Variants in ATP6V1C2 observed in about 807,000 individuals in gnomAD.
ATP6V1C2 encodes the protein ATPase H+ transporting V1 subunit C2.
In ATP6V1C2, 45 loss-of-function variants were observed where a neutral mutation model predicts 56.8. That is an observed-to-expected ratio of 0.79 (90% CI 0.62 to 1.02). The LOEUF is 1.02. ATP6V1C2 is among the 50% of genes least tolerant of loss of function. The pLI is 0.00. For synonymous variants in ATP6V1C2, 220 were observed against 201.3 expected (o/e 1.09, Z -0.79); for missense variants, 463 against 519.7 (o/e 0.89, Z 1.06).
chr2:10,785,031 CT>C lies in ATP6V1C2; in HGVS notation c.*1770del. The stretch of plus-strand genomic sequence containing the variant: ...GGAGCCACGCCCAAAAGAGAGCTCC[CT>C]TAGGGAAAAATGACCAAAACACACA... On this transcript the variant is annotated 3_prime_UTR_variant, in exon 14 of 14. Coordinates refer to ENST00000272238, the MANE Select transcript of ATP6V1C2 (RefSeq NM_001039362.2). 1 of 1,568,658 alleles carries C rather than the reference CT, an allele frequency of 6.4e-7. No homozygotes were observed. The highest frequency in any genetic ancestry group is 8.7e-7 in the Non-Finnish European group (1 of 1,154,686).
At chr2:10,737,392 C>T (rs1403307228) in intron 3 of ATP6V1C2, among the ~76,000 whole-genome samples, 5 of 148,784 alleles carry the variant, frequency 3.4e-5, no homozygotes, top group African/African-American at 1.2e-4. Flanking sequence ...CACTGTACTC[C>T]AGCCTGGGCG....
At chr2:10,742,445 T>C (rs750356730) in intron 3 of ATP6V1C2, among the ~76,000 whole-genome samples, 2 of 152,092 alleles carry the variant, frequency 1.3e-5, no homozygotes, top group African/African-American at 4.8e-5. Context: ...CTGGAGACAC[T>C]GTGTCTTAAG....
chr2:10,764,492 GC>G, intron 5 of ATP6V1C2, 67 bp downstream of exon 5: 10 of 1,374,232 alleles, frequency 7.3e-6, no homozygotes, highest in East Asian at 2.3e-5. Context: ...CCTGGGTAGG[GC>G]CCCCCTGCCA....
intron 3 of ATP6V1C2, among the ~76,000 whole-genome samples, chr2:10,750,547 A>G (rs1457625860): frequency 3.3e-5 from 5 of 151,304 alleles, no homozygotes; most frequent in Admixed American, 6.6e-5. Context: ...AAAACAAAAC[A>G]AAACCTTCAC....
chr2:10,741,273 T>G (rs1434648184), intron 3 of ATP6V1C2, among the ~76,000 whole-genome samples: 3 of 152,252 alleles, frequency 2.0e-5, no homozygotes, highest in Admixed American at 6.5e-5. Flanking sequence ...GACCTTTGTT[T>G]TTGTGAAAAG....
chr2:10,766,975 T>C (rs561368295), intron 5 of ATP6V1C2, among the ~76,000 whole-genome samples: 1 of 152,058 alleles, frequency 6.6e-6, no homozygotes, highest in Non-Finnish European at 1.5e-5. Context: ...AGGATCTCTG[T>C]GTACTATTTT....
chr2:10,760,195 A>T (rs1474373927), intron 4 of ATP6V1C2, among the ~76,000 whole-genome samples: 1 of 152,002 alleles, frequency 6.6e-6, no homozygotes, highest in East Asian at 1.9e-4. Flanking sequence ...CAACATGGTG[A>T]AACCTCGCCT....
chr2:10,734,869 C>T (rs1662168176), intron 3 of ATP6V1C2, among the ~76,000 whole-genome samples: 1 of 152,116 alleles, frequency 6.6e-6, no homozygotes, highest in Non-Finnish European at 1.5e-5. Flanking sequence ...TAAATCTAGA[C>T]ATTTAAAATG....
rs1558434575 is a variant in ATP6V1C2, at chr2:10,784,142, T to A, written c.*879T>A. The stretch of plus-strand genomic sequence containing the variant: ...TTCAAATGACCAATCAAGTACTACT[T>A]CTTGGTTAAAAGGCCACTGGTAGAG... On this transcript the variant is annotated 3_prime_UTR_variant, in exon 14 of 14. Transcript: ENST00000272238. 3 of 627,530 alleles carry A rather than the reference T, an allele frequency of 4.8e-6. No individual in the cohort carries two copies. Among genetic ancestry groups the A allele is most frequent in the East Asian group, 2.8e-5 (1 of 35,646 alleles). The allele number at this position is 627,530 out of a possible 1,614,324, so 38.9% of individuals were successfully genotyped here.
Position 10,780,831 on chromosome 2 carries a change from C to T in ATP6V1C2, c.1062-1412C>T, listed in dbSNP as rs1434215503. Among the ~76,000 whole-genome samples the T allele has an allele frequency of 6.6e-6, 1 of 152,008 alleles. No homozygotes were observed. The highest frequency in any genetic ancestry group is 2.4e-5 in the African/African-American group (1 of 41,376). On this transcript the variant is annotated intron_variant, in intron 12 of 13. Coordinates refer to ENST00000272238, the MANE Select transcript of ATP6V1C2 (RefSeq NM_001039362.2). This position sits in a 1 kb window ranked among gnomAD's most constrained non-coding sequence, Gnocchi z 4.1. ...CAATCTCAGCTCACTGCGACCTCCA[C>T]CTCCCAGGTTCAAGCAATTCTCCTG... is the stretch of plus-strand genomic sequence containing the variant.
intron 12 of ATP6V1C2, among the ~76,000 whole-genome samples, 158 bp downstream of exon 12, chr2:10,778,827 C>T (rs966593136): frequency 6.6e-6 from 1 of 152,234 alleles, no homozygotes; most frequent in African/African-American, 2.4e-5. Flanking sequence ...GAGTCAAGTA[C>T]ACCCTCCCCT....
intron 2 of ATP6V1C2, among the ~76,000 whole-genome samples, chr2:10,725,238 A>G (rs1163240388): frequency 6.6e-6 from 1 of 151,388 alleles, no homozygotes; most frequent in Non-Finnish European, 1.5e-5. Context: ...ACATGACCAA[A>G]CCCCATCTCT....
rs566847279 is a variant in ATP6V1C2, at chr2:10,763,078, C to T, written c.284-1253C>T. On this transcript the variant is annotated intron_variant, in intron 4 of 13. Coordinates refer to ENST00000272238, the MANE Select transcript of ATP6V1C2 (RefSeq NM_001039362.2). This position sits in a 1 kb window ranked among gnomAD's most constrained non-coding sequence, Gnocchi z 4.2. ...ATTCCCGTGCTAGGGGCTGAGTGGG[C>T]GGGATCTAGTGTTGTTTTGGCACGT... is the stretch of plus-strand genomic sequence containing the variant. Among the ~76,000 whole-genome samples, 5 of 152,204 alleles carry T rather than the reference C, an allele frequency of 3.3e-5. No individual in the cohort carries two copies. Among genetic ancestry groups the T allele is most frequent in the East Asian group, 1.9e-4 (1 of 5,162 alleles).
rs999112197 is a variant in ATP6V1C2, at chr2:10,780,397, C to G, written c.1061+1728C>G. ...CTGTTCTTGGCCTCCAATTCCCCTT[C>G]CATGTGGCTGTCAGTGTGTGGTCTG... On this transcript the variant is annotated intron_variant, in intron 12 of 13. Transcript: ENST00000272238. This position sits in a 1 kb window ranked among gnomAD's most constrained non-coding sequence, Gnocchi z 4.1. Among the ~76,000 whole-genome samples the G allele has an allele frequency of 6.6e-6, 1 of 152,254 alleles. No individual in the cohort carries two copies. Among genetic ancestry groups the G allele is most frequent in the Non-Finnish European group, 1.5e-5 (1 of 68,046 alleles).
chr2:10,774,888 TC>T lies in ATP6V1C2; in HGVS notation c.731+10del. The stretch of plus-strand genomic sequence containing the variant: ...CAAGGCCAAAGAAAACAAGTAAGGG[TC>T]CTCCAGGTTTGGTTCATCTCCCGCT... On this transcript the variant is annotated intron_variant, in intron 9 of 13. Transcript: ENST00000272238. 1 of 1,613,986 alleles carries T rather than the reference TC, an allele frequency of 6.2e-7. No homozygotes were observed.
chr2:10,747,384 T>C (rs563069731), intron 3 of ATP6V1C2, among the ~76,000 whole-genome samples: 6 of 152,378 alleles, frequency 3.9e-5, no homozygotes, highest in African/African-American at 9.6e-5. Context: ...CTTTCTGAAC[T>C]CTGAACTTCT....
At chr2:10,761,468 C>G (rs923044909) in intron 4 of ATP6V1C2, among the ~76,000 whole-genome samples, 1 of 152,104 alleles carries the variant, frequency 6.6e-6, no homozygotes, top group Admixed American at 6.5e-5. Context: ...ACTTCCACCC[C>G]GGGCCTGTAC....
chr2:10,775,131 T>A, intron 10 of ATP6V1C2, 60 bp downstream of exon 10: 1 of 1,259,436 alleles, frequency 7.9e-7, no homozygotes, highest in Non-Finnish European at 1.2e-6. Flanking sequence ...GATAGAAGAG[T>A]CCTCCCAGGT....
At position 10,768,893 on chromosome 2, in the gene ATP6V1C2, C is replaced by T. The variant is rs1664400902; in HGVS notation, c.470+83C>T. 4.6e-6 allele frequency: 5 copies of T among 1,098,658 alleles called. No homozygotes were observed. In the South Asian group the frequency reaches 6.4e-5, roughly 14 times the overall value. The allele number at this position is 1,098,658 out of a possible 1,614,324, so 68.1% of individuals were successfully genotyped here. A position where few individuals can be genotyped will look rare whatever the true frequency, so the allele number is the denominator to read the frequency against. On this transcript the variant is annotated intron_variant, in intron 6 of 13. Coordinates refer to ENST00000272238, the MANE Select transcript of ATP6V1C2 (RefSeq NM_001039362.2). Reference sequence around the variant, plus strand: ...CTTGCCTGTCCTCTCACTGGGCCACCTGGGAGTCTGTGCCCATGCATGAGA... The same window carrying T: ...CTTGCCTGTCCTCTCACTGGGCCACTTGGGAGTCTGTGCCCATGCATGAGA...
Sources: allele counts gnomAD v4.1 joint callset (sites outside exome capture counted in the v4.1 genomes callset), GRCh38; gene constraint gnomAD v4.1.1; non-coding constraint Gnocchi (gnomAD v3.1); transcripts MANE v1.5; gene names NCBI Gene and HGNC (gene_info 2026-07-23, HGNC 2026-07-21).